The following SATB2 variants were observed in gnomAD, a reference collection of about 807,000 sequenced individuals.
SATB2 encodes the protein SATB homeobox 2, also known as DNA-binding protein SATB2.
SATB2 carries 1 observed loss-of-function variant against 73.4 expected under a neutral mutation model. The ratio of observed to expected loss-of-function variants is 0.01; its 90% CI spans 0.00 to 0.06. The LOEUF (loss-of-function observed/expected upper bound fraction) is 0.06. Among genes scored for constraint, SATB2 ranks in the 10% least tolerant of loss-of-function variants. The pLI is 1.00. For synonymous variants in SATB2, 397 were observed against 367.0 expected (o/e 1.08, Z -0.93); for missense variants, 459 against 945.8 (o/e 0.49, Z 6.75).
rs546136555 is a variant in SATB2, at chr2:199,400,553, C to CA, written c.347-18734dup. 2.2e-3 allele frequency among the ~76,000 whole-genome samples: 332 copies of CA among 151,848 alleles called. 2 individuals carry two copies. The highest frequency in any genetic ancestry group is 7.3e-3 in the African/African-American group (303 of 41,430). On this transcript the variant is annotated intron_variant, in intron 3 of 10. Transcript: ENST00000417098. ...TTAGAGATGAAGCAAAAACCAGAAG[C>CA]AAAAAAATGATGAAACTATTTGCTA...
chr2:199,384,216 C>T (rs1485771303), intron 3 of SATB2, among the ~76,000 whole-genome samples: 5 of 152,198 alleles, frequency 3.3e-5, no homozygotes, highest in Admixed American at 3.3e-4. Flanking sequence ...CACTTAATAC[C>T]TCCACATAGA....
upstream of SATB2, among the ~76,000 whole-genome samples, chr2:199,459,245 C>A (rs1173144807): frequency 6.6e-6 from 1 of 150,786 alleles, no homozygotes; most frequent in Non-Finnish European, 1.5e-5. The surrounding 1 kb of genome is among the most constrained non-coding windows in gnomAD (Gnocchi z 4.2). Context: ...CCTCCCCGCC[C>A]GGGGGGAGGC....
chr2:199,358,069 TC>T (rs1218615044), intron 6 of SATB2, among the ~76,000 whole-genome samples: 1 of 152,114 alleles, frequency 6.6e-6, no homozygotes, highest in African/African-American at 2.4e-5. Context: ...TTATTTTGTC[TC>T]CTTTCACTCA....
intron 7 of SATB2, among the ~76,000 whole-genome samples, chr2:199,339,332 T>C (rs950327666): frequency 1.3e-5 from 2 of 152,184 alleles, no homozygotes; most frequent in African/African-American, 2.4e-5. Context: ...TGGGAGATAT[T>C]AATATTATTA....
chr2:199,315,234 C>G (rs1559157054), intron 9 of SATB2, among the ~76,000 whole-genome samples: 1 of 151,956 alleles, frequency 6.6e-6, no homozygotes, highest in Non-Finnish European at 1.5e-5. Context: ...TTTTAAAGCT[C>G]TCTTCAATTG....
intron 3 of SATB2, among the ~76,000 whole-genome samples, chr2:199,386,746 AC>A (rs1689971533): frequency 1.3e-5 from 2 of 148,602 alleles, no homozygotes; most frequent in Non-Finnish European, 3.0e-5. Context: ...ACACACACAC[AC>A]ACACACACAC....
intron 9 of SATB2, 123 bp from the exon 10 acceptor site, chr2:199,309,080 GGGAGATAGT>G (rs1687522238): frequency 3.6e-6 from 3 of 839,674 alleles, no homozygotes; most frequent in Non-Finnish European, 3.9e-6. Context: ...TGCCAACGTG[GGGAGATAGT>G]GAAACAGTCT....
At chr2:199,305,135 G>A (rs1687393522) in intron 10 of SATB2, among the ~76,000 whole-genome samples, 1 of 152,194 alleles carries the variant, frequency 6.6e-6, no homozygotes, top group South Asian at 2.1e-4. Context: ...TGACAGGAGA[G>A]ATGCCTCAAG....
At chr2:199,338,369 AAAAC>A (rs1359947823) in intron 7 of SATB2, among the ~76,000 whole-genome samples, 6 of 117,400 alleles carry the variant, frequency 5.1e-5, no homozygotes, top group East Asian at 4.2e-4. Flanking sequence ...CTTTCATTTA[AAAAC>A]AAACAAACAA....
intron 8 of SATB2, among the ~76,000 whole-genome samples, chr2:199,326,408 T>C (rs1432484718): frequency 6.6e-6 from 1 of 152,154 alleles, no homozygotes; most frequent in Non-Finnish European, 1.5e-5. Context: ...ATGAATTTTC[T>C]AGATGGCATT....
intron 3 of SATB2, among the ~76,000 whole-genome samples, chr2:199,392,868 T>C (rs1041155269): frequency 2.0e-5 from 3 of 152,210 alleles, no homozygotes; most frequent in Non-Finnish European, 4.4e-5. Flanking sequence ...TAATGAATTG[T>C]AAGTCAACAT....
At chr2:199,336,910 G>A (rs1395127681) in intron 7 of SATB2, among the ~76,000 whole-genome samples, 1 of 152,160 alleles carries the variant, frequency 6.6e-6, no homozygotes, top group Non-Finnish European at 1.5e-5. Context: ...CTCCTCACCT[G>A]TAAAACTAAA....
Position 199,270,399 on chromosome 2 carries a change from A to C in SATB2, c.*1812T>G, listed in dbSNP as rs2105702775. The stretch of plus-strand genomic sequence containing the variant: ...AACTCCTACCTTTTATACCTTTCAA[A>C]TATATAAATAGTATTAACAGTTATA... On this transcript the variant is annotated 3_prime_UTR_variant, in exon 11 of 11. Transcript: ENST00000417098. 6.6e-6 allele frequency: 1 copy of C among 152,576 alleles called. No individual in the cohort carries two copies. The highest frequency in any genetic ancestry group is 2.1e-4 in the South Asian group (1 of 4,810). The allele number at this position is 152,576 out of a possible 1,614,324, so 9.5% of individuals were successfully genotyped here.
chr2:199,308,991 C>A lies in SATB2; in HGVS notation c.1543-34G>T. ...AGAGGAGGTCGCTTGCATTAACCTG[C>A]AGAGTGTAGAGGAGCTGAGGGGGCC... On this transcript the variant is annotated intron_variant, in intron 9 of 10. Coordinates refer to ENST00000417098, the MANE Select transcript of SATB2 (RefSeq NM_001172509.2). This position sits in a 1 kb window ranked among gnomAD's most constrained non-coding sequence, Gnocchi z 4.6. 1 of 1,580,504 alleles carries A rather than the reference C, an allele frequency of 6.3e-7. No homozygotes were observed. The highest frequency in any genetic ancestry group is 8.7e-7 in the Non-Finnish European group (1 of 1,150,898).
intron 10 of SATB2, among the ~76,000 whole-genome samples, chr2:199,289,824 T>C (rs533153753): frequency 6.6e-6 from 1 of 152,274 alleles, no homozygotes; most frequent in African/African-American, 2.4e-5. Context: ...TGATCCCACG[T>C]GTTGCTGATT....
chr2:199,467,703 G>A (rs563029082), upstream of SATB2, among the ~76,000 whole-genome samples: 1 of 152,290 alleles, frequency 6.6e-6, no homozygotes, highest in South Asian at 2.1e-4. Context: ...TCAGAAAGGA[G>A]AGGGCAGTCA....
At chr2:199,395,121 G>A (rs960559927) in intron 3 of SATB2, among the ~76,000 whole-genome samples, 2 of 150,938 alleles carry the variant, frequency 1.3e-5, no homozygotes, top group Non-Finnish European at 2.9e-5. Context: ...TCACTCTGTC[G>A]CCATGTCTAA....
At chr2:199,371,983 G>A (rs966258684) in intron 5 of SATB2, among the ~76,000 whole-genome samples, 2 of 152,032 alleles carry the variant, frequency 1.3e-5, no homozygotes, top group African/African-American at 4.8e-5. Context: ...ACGTATAATG[G>A]GCAACTGCGG....
At chr2:199,424,735 T>C (rs1235108491) in intron 3 of SATB2, among the ~76,000 whole-genome samples, 2 of 152,214 alleles carry the variant, frequency 1.3e-5, no homozygotes, top group African/African-American at 2.4e-5. Context: ...GCAGGGAATT[T>C]CTTAAAAAGC....
Sources: gnomAD v4.1 joint callset for allele counts (sites outside exome capture counted in the v4.1 genomes callset) on GRCh38, gnomAD v4.1.1 for gene constraint, Gnocchi (gnomAD v3.1) non-coding constraint, MANE v1.5 for transcripts, NCBI Gene and HGNC (gene_info 2026-07-23, HGNC 2026-07-21) for gene names.